The following CACNG3 variants were observed in gnomAD, a reference collection of about 807,000 sequenced individuals.
CACNG3 encodes calcium voltage-gated channel auxiliary subunit gamma 3, also known as voltage-dependent calcium channel gamma-3 subunit.
A neutral mutation model predicts 28.5 loss-of-function variants in CACNG3; 3 were observed. That is an observed-to-expected ratio of 0.11 (90% CI 0.05 to 0.27). CACNG3 has a LOEUF of 0.27. CACNG3 is among the 10% of genes least tolerant of loss of function. The pLI, the probability that CACNG3 is intolerant of heterozygous loss-of-function variation, is 1.00. For missense variants in CACNG3, 236 were observed against 414.4 expected, an observed-to-expected ratio of 0.57 and a Z score of 3.74; for synonymous variants, 174 against 162.2, an observed-to-expected ratio of 1.07 and a Z score of -0.55.
At chr16:24,346,848 G>A in intron 2 of CACNG3, 31 bp downstream of exon 2, 1 of 1,562,258 alleles carries the variant, frequency 6.4e-7, no homozygotes, top group Non-Finnish European at 8.8e-7. Context: ...GGTCTCTCTG[G>A]GAGGAAGGGA....
chr16:24,258,622 G>A lies in CACNG3; in HGVS notation c.211+1657G>A, dbSNP rs1898500002. Among the ~76,000 whole-genome samples the A allele has an allele frequency of 3.9e-5, 6 of 152,338 alleles. No individual in the cohort carries two copies. The South Asian group carries it at 1.2e-3, about 32-fold the overall frequency. ...GTGAGCATTTGTGATTGGGTATGGT[G>A]AAGTCATTTACCTCAGGGAAATTCC... On this transcript the variant is annotated intron_variant, in intron 1 of 3. Transcript: ENST00000005284.
chr16:24,267,234 G>A (rs1302020072), intron 1 of CACNG3, among the ~76,000 whole-genome samples: 3 of 152,028 alleles, frequency 2.0e-5, no homozygotes, highest in African/African-American at 7.3e-5. Context: ...TCAAAGTGCT[G>A]GGATTACAGG....
At chr16:24,259,857 G>T (rs1330600943) in intron 1 of CACNG3, among the ~76,000 whole-genome samples, 3 of 152,132 alleles carry the variant, frequency 2.0e-5, no homozygotes, top group Non-Finnish European at 4.4e-5. Flanking sequence ...TCCCAACTTT[G>T]CTGGTCATCA....
chr16:24,305,955 G>A (rs751900942), intron 1 of CACNG3, among the ~76,000 whole-genome samples: 4 of 152,104 alleles, frequency 2.6e-5, no homozygotes, highest in East Asian at 3.8e-4. Context: ...TTGCAGGTGC[G>A]AGCCACTGTG....
intron 1 of CACNG3, among the ~76,000 whole-genome samples, chr16:24,323,709 G>A (rs976885251): frequency 4.6e-5 from 7 of 152,200 alleles, no homozygotes; most frequent in African/African-American, 1.7e-4. Flanking sequence ...ACCTTTGCCT[G>A]GAAGGGCAGA....
intron 1 of CACNG3, among the ~76,000 whole-genome samples, chr16:24,274,204 A>C (rs1020283354): frequency 7.9e-5 from 12 of 151,542 alleles, no homozygotes; most frequent in Admixed American, 1.3e-4. Flanking sequence ...AAAAAAACAA[A>C]AAAAAAAAAC....
rs568703275 is a variant in CACNG3 at position 24,350,033 on chromosome 16, GT to G, written c.295+3219del. On this transcript the variant is annotated intron_variant, in intron 2 of 3. Coordinates refer to ENST00000005284, the MANE Select transcript of CACNG3 (RefSeq NM_006539.4). ...TAAGACCTTAACTTAGCTCCATATA[GT>G]TTGGGGGGAGAAACAGGGAAGGAAG... Among the ~76,000 whole-genome samples the G allele has an allele frequency of 7.3e-5, 11 of 151,140 alleles. No homozygotes were observed. The South Asian group carries it at 2.3e-3, about 31-fold the overall frequency.
At chr16:24,339,238 G>A (rs558493979) in intron 1 of CACNG3, among the ~76,000 whole-genome samples, 1 of 152,096 alleles carries the variant, frequency 6.6e-6, no homozygotes, top group Non-Finnish European at 1.5e-5. Flanking sequence ...AAATATCATA[G>A]TAAATGTGAT....
At chr16:24,312,959 A>AAGAAAGAG (rs1555460248) in intron 1 of CACNG3, among the ~76,000 whole-genome samples, 8,605 of 139,204 alleles carry the variant, frequency 0.062, 302 homozygotes, top group Non-Finnish European at 0.071. Flanking sequence ...AAGAAAGAGA[A>AAGAAAGAG]AGAAAGAAAA....
At chr16:24,287,679 G>T (rs1898913528) in intron 1 of CACNG3, among the ~76,000 whole-genome samples, 1 of 152,176 alleles carries the variant, frequency 6.6e-6, no homozygotes, top group African/African-American at 2.4e-5. Context: ...CCAGTGTCTT[G>T]TCTTACCTGA....
intron 1 of CACNG3, among the ~76,000 whole-genome samples, chr16:24,307,217 G>T (rs931658606): frequency 6.6e-6 from 1 of 152,120 alleles, no homozygotes; most frequent in Non-Finnish European, 1.5e-5. Flanking sequence ...TGCCTCCCAG[G>T]TTCAAGCAAT....
At chr16:24,316,987 A>C (rs1188933878) in intron 1 of CACNG3, among the ~76,000 whole-genome samples, 2 of 152,162 alleles carry the variant, frequency 1.3e-5, no homozygotes, top group Non-Finnish European at 1.5e-5. Flanking sequence ...AGCAGGGAGA[A>C]AATCTAATAT....
chr16:24,340,048 T>C (rs1485205044), intron 1 of CACNG3, among the ~76,000 whole-genome samples: 4 of 152,116 alleles, frequency 2.6e-5, no homozygotes, highest in South Asian at 2.1e-4. Context: ...GGTGGGAAGA[T>C]TGCTTGAGTC....
intron 1 of CACNG3, among the ~76,000 whole-genome samples, chr16:24,316,230 G>A (rs1053423383): frequency 4.0e-5 from 6 of 151,732 alleles, no homozygotes; most frequent in African/African-American, 1.5e-4. Context: ...CATCATGCAG[G>A]GCACCAAGAG....
intron 1 of CACNG3, among the ~76,000 whole-genome samples, chr16:24,276,777 T>C (rs1170303896): frequency 1.3e-5 from 2 of 152,210 alleles, no homozygotes; most frequent in African/African-American, 4.8e-5. Flanking sequence ...CTTGTGTCTT[T>C]GTTCATGAAA....
At chr16:24,276,770 G>C (rs1596624170) in intron 1 of CACNG3, among the ~76,000 whole-genome samples, 1 of 152,176 alleles carries the variant, frequency 6.6e-6, no homozygotes, top group Admixed American at 6.5e-5. Flanking sequence ...ATAGCATCTT[G>C]TGTCTTTGTT....
intron 1 of CACNG3, among the ~76,000 whole-genome samples, chr16:24,331,041 C>A (rs1899625041): frequency 6.6e-6 from 1 of 152,056 alleles, no homozygotes; most frequent in South Asian, 2.1e-4. Flanking sequence ...TCTCTCTGTA[C>A]CCCTGCTTTG....
At chr16:24,260,862 A>T (rs1339967011) in intron 1 of CACNG3, among the ~76,000 whole-genome samples, 3 of 152,212 alleles carry the variant, frequency 2.0e-5, no homozygotes, top group Non-Finnish European at 2.9e-5. Flanking sequence ...CACAAAGTAG[A>T]GCCCTAACCT....
intron 1 of CACNG3, among the ~76,000 whole-genome samples, chr16:24,302,427 C>A (rs1381595126): frequency 6.6e-6 from 1 of 152,070 alleles, no homozygotes; most frequent in Non-Finnish European, 1.5e-5. Flanking sequence ...CATCTGCCAT[C>A]AGGACGGGTT....
Sources: allele counts gnomAD v4.1 joint callset (sites outside exome capture counted in the v4.1 genomes callset), GRCh38; gene constraint gnomAD v4.1.1; transcripts MANE v1.5; gene names NCBI Gene and HGNC (gene_info 2026-07-23, HGNC 2026-07-21).